Variants in DLG2 observed in about 807,000 individuals in gnomAD.
DLG2 encodes the protein discs large MAGUK scaffold protein 2, also known as disks large homolog 2.
DLG2 carries 45 observed loss-of-function variants against 132.5 expected under a neutral mutation model. The ratio of observed to expected loss-of-function variants is 0.34; its 90% CI spans 0.27 to 0.44. The LOEUF (loss-of-function observed/expected upper bound fraction) is 0.44. Ranked by LOEUF, DLG2 falls within the 20% of genes least tolerant of loss-of-function variation. DLG2 has a pLI of 1.00. For synonymous variants in DLG2, 424 were observed against 419.6 expected (o/e 1.01, Z -0.13); for missense variants, 1,045 against 1,196.9 (o/e 0.87, Z 1.87).
At chr11:84,395,490 C>A (rs80158702) in intron 7 of DLG2, among the ~76,000 whole-genome samples, 2,006 of 152,130 alleles carry the variant, frequency 0.013, 72 homozygotes, top group South Asian at 0.12. Context: ...GATCTCGGCT[C>A]ACTGCAGTCT....
At chr11:85,195,718 G>T (rs1249569586) in intron 4 of DLG2, among the ~76,000 whole-genome samples, 1 of 151,826 alleles carries the variant, frequency 6.6e-6, no homozygotes, top group Non-Finnish European at 1.5e-5. Context: ...AGTAGAGACG[G>T]GGTTTCACCG....
intron 11 of DLG2, among the ~76,000 whole-genome samples, chr11:84,007,600 T>C (rs2094635786): frequency 6.6e-6 from 1 of 151,754 alleles, no homozygotes; most frequent in Admixed American, 6.6e-5. Context: ...AATGACTGCT[T>C]AAAAGATATA....
At chr11:85,204,914 A>G (rs1286760854) in intron 4 of DLG2, among the ~76,000 whole-genome samples, 1 of 152,116 alleles carries the variant, frequency 6.6e-6, no homozygotes, top group African/African-American at 2.4e-5. Context: ...CAAAGGTGTC[A>G]AGAAAATGCA....
rs1363898838 is a variant in DLG2 at position 84,420,558 on chromosome 11, C to T, written c.519+114012G>A. 1.2e-4 allele frequency among the ~76,000 whole-genome samples: 18 copies of T among 148,382 alleles called. 1 individual carries two copies. The highest frequency in any genetic ancestry group is 4.4e-4 in the African/African-American group (18 of 40,618). ...AATTTCAGGAGGAAAAAATGTATCA[C>T]GAGGGTGCTTCCAACCAATCAGGCC... On this transcript the variant is annotated intron_variant, in intron 7 of 27. Coordinates refer to ENST00000376104, the MANE Select transcript of DLG2 (RefSeq NM_001142699.3).
rs1565362915 is a variant in DLG2, at chr11:83,472,625, A to G, written c.2344+102T>C. The G allele has an allele frequency of 5.0e-6, 5 of 996,298 alleles. No individual in the cohort carries two copies. In the East Asian group the frequency reaches 1.2e-4, roughly 24 times the overall value. The allele number at this position is 996,298 out of a possible 1,614,324, so 61.7% of individuals were successfully genotyped here. On this transcript the variant is annotated intron_variant, in intron 23 of 27. Coordinates refer to ENST00000376104, the MANE Select transcript of DLG2 (RefSeq NM_001142699.3). ...TACGGTCTCAAGACAACAGAGCATT[A>G]AGCCGAGTTTATTCTCCTTAGTCCT... is the stretch of plus-strand genomic sequence containing the variant.
At chr11:84,402,491 CT>C (rs2098832972) in intron 7 of DLG2, among the ~76,000 whole-genome samples, 1 of 151,722 alleles carries the variant, frequency 6.6e-6, no homozygotes, top group Non-Finnish European at 1.5e-5. Context: ...AAATCCAGGG[CT>C]TTTTCCACTA....
intron 6 of DLG2, among the ~76,000 whole-genome samples, chr11:84,667,491 G>GT (rs1275372814): frequency 0.013 from 455 of 35,086 alleles, 2 homozygotes; most frequent in Non-Finnish European, 0.013. Context: ...TTTGTTTTTT[G>GT]TTTTTTGTTT....
intron 8 of DLG2, among the ~76,000 whole-genome samples, chr11:84,225,876 T>A (rs2096984921): frequency 6.6e-6 from 1 of 152,094 alleles, no homozygotes; most frequent in Non-Finnish European, 1.5e-5. Context: ...AGTGGCACAA[T>A]CTCAGCTCAC....
At chr11:83,598,296 C>A (rs2057966933) in intron 19 of DLG2, among the ~76,000 whole-genome samples, 1 of 152,194 alleles carries the variant, frequency 6.6e-6, no homozygotes, top group Admixed American at 6.5e-5. Context: ...CTACTCATTC[C>A]CAGCAAAACG....
chr11:83,766,941 C>A lies in DLG2; in HGVS notation c.1825+19749G>T, dbSNP rs561385604. On this transcript the variant is annotated intron_variant, in intron 18 of 27. Coordinates refer to ENST00000376104, the MANE Select transcript of DLG2 (RefSeq NM_001142699.3). ...GGGAAGAAACTGTCTTCAAAGCCAG[C>A]GATGCCCTGTATAGTCTTTCTCGGG... Among the ~76,000 whole-genome samples, 3 of 152,266 alleles carry A rather than the reference C, an allele frequency of 2.0e-5. No homozygotes were observed. The South Asian group carries it at 6.2e-4, about 32-fold the overall frequency.
chr11:84,704,047 T>C (rs951662771), intron 6 of DLG2, among the ~76,000 whole-genome samples: 1 of 151,030 alleles, frequency 6.6e-6, no homozygotes, highest in African/African-American at 2.4e-5. Flanking sequence ...TAACTGCCTG[T>C]ATATTTAATT....
chr11:85,118,328 A>G (rs2073915014), intron 5 of DLG2, among the ~76,000 whole-genome samples: 2 of 152,088 alleles, frequency 1.3e-5, no homozygotes, highest in Non-Finnish European at 2.9e-5. Flanking sequence ...GTGCTGAGTC[A>G]TCCTCAACAC....
chr11:85,180,023 T>G (rs1042512145), intron 4 of DLG2, among the ~76,000 whole-genome samples: 1 of 151,956 alleles, frequency 6.6e-6, no homozygotes. Flanking sequence ...TTAACCTTTG[T>G]GACCATTCTA....
At chr11:85,141,058 A>ATTTCT (rs1404695351) in intron 5 of DLG2, among the ~76,000 whole-genome samples, 2 of 151,890 alleles carry the variant, frequency 1.3e-5, no homozygotes, top group African/African-American at 4.8e-5. Flanking sequence ...CAATATGCTG[A>ATTTCT]TTTCTTTTCT....
chr11:84,102,013 A>G (rs986868928), intron 9 of DLG2, among the ~76,000 whole-genome samples: 1 of 152,086 alleles, frequency 6.6e-6, no homozygotes, highest in Non-Finnish European at 1.5e-5. Flanking sequence ...CCTCACTATA[A>G]TTCATCTATT....
chr11:85,304,177 T>C (rs2079791428), intron 3 of DLG2, among the ~76,000 whole-genome samples: 1 of 152,136 alleles, frequency 6.6e-6, no homozygotes, highest in Non-Finnish European at 1.5e-5. Context: ...TCCAGGAACA[T>C]AGCTTAAAAA....
intron 6 of DLG2, among the ~76,000 whole-genome samples, chr11:84,932,461 C>A (rs181301005): frequency 2.6e-5 from 4 of 152,128 alleles, no homozygotes; most frequent in Admixed American, 2.0e-4. Context: ...TACACATGTA[C>A]CATGGTGGTT....
chr11:85,500,596 T>G (rs1036592031), intron 3 of DLG2, among the ~76,000 whole-genome samples: 1 of 150,120 alleles, frequency 6.7e-6, no homozygotes, highest in Non-Finnish European at 1.5e-5. Context: ...AAAATCAAAG[T>G]GTAAAATCAC....
At chr11:84,075,597 A>G (rs1165908077) in intron 10 of DLG2, among the ~76,000 whole-genome samples, 1 of 152,188 alleles carries the variant, frequency 6.6e-6, no homozygotes, top group African/African-American at 2.4e-5. Context: ...AATTATTGGA[A>G]TTATTTAGTA....
Sources: allele counts gnomAD v4.1 joint callset (sites outside exome capture counted in the v4.1 genomes callset), GRCh38; gene constraint gnomAD v4.1.1; transcripts MANE v1.5; gene names NCBI Gene and HGNC (gene_info 2026-07-23, HGNC 2026-07-21).